The following UBTD2 variants were observed in gnomAD, a reference collection of about 807,000 sequenced individuals.
The protein encoded by UBTD2 is ubiquitin domain containing 2.
Under a neutral mutation model 19.8 loss-of-function variants are expected in UBTD2, and 9 were observed. The observed-to-expected ratio is 0.46, with a 90% confidence interval of 0.27 to 0.79. The LOEUF (loss-of-function observed/expected upper bound fraction) is 0.79, where lower values mean the gene tolerates loss of function less well. UBTD2 is among the 30% of genes least tolerant of loss of function. The probability of loss-of-function intolerance (pLI) is 0.14; values close to 1 mark genes in which losing one functional copy is unlikely to be tolerated. For missense variants in UBTD2, 250 were observed against 300.4 expected (o/e 0.83, Z 1.24); for synonymous variants, 98 against 103.9 (o/e 0.94, Z 0.35).
intron 1 of UBTD2, among the ~76,000 whole-genome samples, chr5:172,261,602 C>T (rs1244956653): frequency 1.3e-5 from 2 of 151,938 alleles, no homozygotes; most frequent in African/African-American, 4.8e-5. Context: ...ACTGTGTTTA[C>T]TGTCATGAAG....
In UBTD2 at chr5:172,224,374, A is replaced by G. The variant is rs1038817630; in HGVS notation, c.307+9748T>C. 6.2e-5 allele frequency among the ~76,000 whole-genome samples: 9 copies of G among 145,356 alleles called. No individual in the cohort carries two copies. In the East Asian group the frequency reaches 1.8e-3, roughly 29 times the overall value. ...GAGTGAGGTGGCACAATCTCAGCTCACTGAAACCTCCACCTCCCACGTTCA... is the reference window on the plus strand; with the variant it reads ...GAGTGAGGTGGCACAATCTCAGCTCGCTGAAACCTCCACCTCCCACGTTCA... On this transcript the variant is annotated intron_variant, in intron 2 of 2. Coordinates refer to ENST00000393792, the MANE Select transcript of UBTD2 (RefSeq NM_152277.3).
chr5:172,230,038 C>T (rs746491059), intron 2 of UBTD2, among the ~76,000 whole-genome samples: 1 of 152,120 alleles, frequency 6.6e-6, no homozygotes, highest in African/African-American at 2.4e-5. Flanking sequence ...AAATAAAGCT[C>T]ATACAGGGCA....
chr5:172,249,793 C>T (rs1754953849), intron 1 of UBTD2, among the ~76,000 whole-genome samples: 1 of 152,152 alleles, frequency 6.6e-6, no homozygotes, highest in Non-Finnish European at 1.5e-5. Flanking sequence ...TAATATGTCA[C>T]ATTAATAGAA....
At chr5:172,240,296 T>TA (rs547361415) in intron 1 of UBTD2, among the ~76,000 whole-genome samples, 45 of 152,292 alleles carry the variant, frequency 3.0e-4, no homozygotes, top group African/African-American at 1.1e-3. Context: ...TACAACAAAT[T>TA]AGAGACTAAG....
chr5:172,240,282 C>G (rs527659360), intron 1 of UBTD2, among the ~76,000 whole-genome samples: 53 of 152,158 alleles, frequency 3.5e-4, no homozygotes, highest in Non-Finnish European at 6.6e-4. Flanking sequence ...AAGTACTTAG[C>G]ATCTACAACA....
intron 2 of UBTD2, among the ~76,000 whole-genome samples, chr5:172,216,827 G>A (rs1170882023): frequency 2.0e-5 from 3 of 151,946 alleles, no homozygotes; most frequent in Non-Finnish European, 4.4e-5. Flanking sequence ...TTAGTTGGGT[G>A]TGGTGGTGTG....
chr5:172,271,009 A>ATCTCC (rs946159168), intron 1 of UBTD2, among the ~76,000 whole-genome samples: 6 of 151,956 alleles, frequency 3.9e-5, no homozygotes, highest in African/African-American at 1.5e-4. Context: ...CATTTCACCT[A>ATCTCC]TCTCCTCTAC....
intron 2 of UBTD2, among the ~76,000 whole-genome samples, chr5:172,225,859 A>G (rs41537348): frequency 0.31 from 46,600 of 151,314 alleles, 7,325 homozygotes; most frequent in East Asian, 0.39. Flanking sequence ...TAGCACTATG[A>G]GCCTCTTCCA....
chr5:172,277,067 C>CAAAAAAAA (rs56277139), intron 1 of UBTD2, among the ~76,000 whole-genome samples: 1 of 65,096 alleles, frequency 1.5e-5, no homozygotes, highest in African/African-American at 6.3e-5. Flanking sequence ...GACTCTGTCT[C>CAAAAAAAA]AAAAAAAAAA....
chr5:172,274,471 A>G (rs1755567363), intron 1 of UBTD2, among the ~76,000 whole-genome samples: 1 of 152,082 alleles, frequency 6.6e-6, no homozygotes, highest in Non-Finnish European at 1.5e-5. Context: ...CAAACCAAAG[A>G]ATAGAAGCAT....
intron 1 of UBTD2, among the ~76,000 whole-genome samples, chr5:172,271,350 C>G (rs886833468): frequency 3.3e-5 from 5 of 151,564 alleles, no homozygotes; most frequent in Non-Finnish European, 5.9e-5. Context: ...AATGGCGTGA[C>G]CCCAGGAGGC....
At chr5:172,230,822 C>T (rs1237239705) in intron 2 of UBTD2, among the ~76,000 whole-genome samples, 2 of 145,650 alleles carry the variant, frequency 1.4e-5, no homozygotes, top group East Asian at 2.0e-4. Flanking sequence ...CTTGCTCTGT[C>T]GCTCAGGCTA....
At chr5:172,279,047 C>T (rs187791775) in intron 1 of UBTD2, among the ~76,000 whole-genome samples, 5 of 152,204 alleles carry the variant, frequency 3.3e-5, no homozygotes, top group Admixed American at 6.5e-5. Flanking sequence ...CAATGTGGTG[C>T]GAATGCAGGC....
At chr5:172,260,706 G>A (rs1174150548) in intron 1 of UBTD2, among the ~76,000 whole-genome samples, 1 of 152,142 alleles carries the variant, frequency 6.6e-6, no homozygotes, top group Non-Finnish European at 1.5e-5. Flanking sequence ...TCTTGTTACA[G>A]GTTAAGTGTC....
chr5:172,275,060 A>G (rs1755579907), intron 1 of UBTD2, among the ~76,000 whole-genome samples: 1 of 152,174 alleles, frequency 6.6e-6, no homozygotes, highest in Non-Finnish European at 1.5e-5. Context: ...GCCTGAGACT[A>G]GGTAATTTAT....
chr5:172,244,541 G>A (rs893107912), intron 1 of UBTD2, among the ~76,000 whole-genome samples: 2 of 151,348 alleles, frequency 1.3e-5, no homozygotes, highest in African/African-American at 2.4e-5. Flanking sequence ...TAGATGATCC[G>A]CCCGCCTTAG....
At chr5:172,263,515 C>T (rs2113103240) in intron 1 of UBTD2, among the ~76,000 whole-genome samples, 1 of 152,204 alleles carries the variant, frequency 6.6e-6, no homozygotes, top group Middle Eastern at 3.4e-3. Flanking sequence ...TGAGTAGGGG[C>T]CGGGTGCGGT....
chr5:172,249,682 C>T (rs1050854151), intron 1 of UBTD2, among the ~76,000 whole-genome samples: 3 of 152,002 alleles, frequency 2.0e-5, no homozygotes, highest in Non-Finnish European at 4.4e-5. Flanking sequence ...TGCAAAAATC[C>T]TCAGCAAATT....
In UBTD2 at chr5:172,238,386, T is replaced by C. The variant is rs1254079308; in HGVS notation, c.71-4028A>G. On this transcript the variant is annotated intron_variant, in intron 1 of 2. Coordinates refer to ENST00000393792, the MANE Select transcript of UBTD2 (RefSeq NM_152277.3). ...ATCTTTAGTGCACTATGAATTAACATATGAGAAATAAAAAATTAATAAAGC... is the reference window on the plus strand; with the variant it reads ...ATCTTTAGTGCACTATGAATTAACACATGAGAAATAAAAAATTAATAAAGC... 2.0e-5 allele frequency among the ~76,000 whole-genome samples: 3 copies of C among 152,166 alleles called. No homozygotes were observed. In the East Asian group the frequency reaches 5.8e-4, roughly 29 times the overall value.
Sources: gnomAD v4.1 joint callset for allele counts (sites outside exome capture counted in the v4.1 genomes callset) on GRCh38, gnomAD v4.1.1 for gene constraint, MANE v1.5 for transcripts, NCBI Gene and HGNC (gene_info 2026-07-23, HGNC 2026-07-21) for gene names.